Variants in CSMD1 observed in about 807,000 individuals in gnomAD.
The protein encoded by CSMD1 is CUB and sushi domain-containing protein 1.
Under a neutral mutation model 417.5 loss-of-function variants are expected in CSMD1, and 213 were observed. That is an observed-to-expected ratio of 0.51 (90% CI 0.46 to 0.57). The LOEUF is 0.57. Among genes scored for constraint, CSMD1 ranks in the 20% least tolerant of loss-of-function variants. The pLI is 0.00. For missense variants in CSMD1, 6,923 were observed against 4,529.7 expected (o/e 1.53, Z -15.17); for synonymous variants, 2,862 against 1,736.8 (o/e 1.65, Z -16.11).
chr8:4,968,444 G>A (rs1037545725), intron 1 of CSMD1, among the ~76,000 whole-genome samples: 2 of 151,960 alleles, frequency 1.3e-5, no homozygotes, highest in African/African-American at 2.4e-5. Context: ...TATTGAAATA[G>A]AGCCATTTAA....
Position 2,942,648 on chromosome 8 carries a change from G to A in CSMD1, c.10403-44C>T, listed in dbSNP as rs1801962097. On this transcript the variant is annotated intron_variant, in intron 68 of 69. Coordinates refer to ENST00000635120, the MANE Select transcript of CSMD1 (RefSeq NM_033225.6). The stretch of plus-strand genomic sequence containing the variant: ...ATTAAATTTGTTGTTACTGTACTCT[G>A]CTTAAACAAATACATATGATAAATT... 4.9e-6 allele frequency: 7 copies of A among 1,421,374 alleles called. No individual in the cohort carries two copies. In the African/African-American group the frequency reaches 8.7e-5, roughly 18 times the overall value. The allele number at this position is 1,421,374 out of a possible 1,614,324, so 88.0% of individuals were successfully genotyped here.
intron 12 of CSMD1, among the ~76,000 whole-genome samples, chr8:3,442,567 G>A (rs1815053830): frequency 6.6e-6 from 1 of 152,276 alleles, no homozygotes; most frequent in East Asian, 1.9e-4. Flanking sequence ...TTGGAGCCTA[G>A]GAACAATAGG....
chr8:4,091,640 C>T (rs1033743696), intron 3 of CSMD1, among the ~76,000 whole-genome samples: 1 of 152,112 alleles, frequency 6.6e-6, no homozygotes, highest in Non-Finnish European at 1.5e-5. Context: ...AATAAAGAGC[C>T]CCACAACGAG....
chr8:4,500,963 G>C (rs1000623213), intron 2 of CSMD1, among the ~76,000 whole-genome samples: 1 of 151,966 alleles, frequency 6.6e-6, no homozygotes, highest in African/African-American at 2.4e-5. Context: ...TTGACCCTTT[G>C]ATTTGTATGC....
At chr8:4,777,473 T>C (rs1196234388) in intron 1 of CSMD1, among the ~76,000 whole-genome samples, 1 of 152,172 alleles carries the variant, frequency 6.6e-6, no homozygotes, top group Non-Finnish European at 1.5e-5. Context: ...TAGACTCCTA[T>C]AATAAGATCA....
At chr8:3,146,192 A>C (rs1818834132) in intron 40 of CSMD1, among the ~76,000 whole-genome samples, 1 of 152,216 alleles carries the variant, frequency 6.6e-6, no homozygotes, top group African/African-American at 2.4e-5. Context: ...AGTATAAAAG[A>C]TAATGGGGTA....
intron 23 of CSMD1, among the ~76,000 whole-genome samples, chr8:3,324,375 G>T (rs1318310095): frequency 6.7e-6 from 1 of 150,016 alleles, no homozygotes; most frequent in Admixed American, 6.7e-5. Context: ...AGGGACCCAG[G>T]AAGGGGCGTT....
At chr8:3,613,557 T>G (rs2117149884) in intron 8 of CSMD1, among the ~76,000 whole-genome samples, 1 of 152,062 alleles carries the variant, frequency 6.6e-6, no homozygotes, top group East Asian at 1.9e-4. Context: ...AAAACATCAT[T>G]ACAAATTAAT....
intron 3 of CSMD1, among the ~76,000 whole-genome samples, chr8:4,303,759 G>A (rs1196462181): frequency 6.6e-6 from 1 of 151,884 alleles, no homozygotes; most frequent in Non-Finnish European, 1.5e-5. Flanking sequence ...GGTTTCAAGC[G>A]ATTCTCCTGC....
intron 25 of CSMD1, among the ~76,000 whole-genome samples, chr8:3,306,146 T>G (rs1201017863): frequency 6.6e-6 from 1 of 152,198 alleles, no homozygotes; most frequent in Non-Finnish European, 1.5e-5. Context: ...CATTTTATTT[T>G]TGTTAAGTTA....
intron 62 of CSMD1, among the ~76,000 whole-genome samples, chr8:2,958,572 G>A (rs534676171): frequency 2.6e-5 from 4 of 152,182 alleles, no homozygotes; most frequent in Non-Finnish European, 4.4e-5. Context: ...AGCTATGGTC[G>A]TGTGTTGAGG....
At chr8:3,823,385 A>G (rs1055250514) in intron 5 of CSMD1, among the ~76,000 whole-genome samples, 3 of 152,188 alleles carry the variant, frequency 2.0e-5, no homozygotes, top group African/African-American at 7.2e-5. Flanking sequence ...GGAAAGTTAA[A>G]TACTGTTAGA....
intron 9 of CSMD1, among the ~76,000 whole-genome samples, chr8:3,579,137 C>T (rs916056800): frequency 6.6e-6 from 1 of 152,192 alleles, no homozygotes; most frequent in Non-Finnish European, 1.5e-5. Flanking sequence ...ATTTCACTTA[C>T]ATCTTTTCTG....
intron 2 of CSMD1, among the ~76,000 whole-genome samples, chr8:4,428,118 C>G (rs751046646): frequency 6.6e-5 from 10 of 152,184 alleles, no homozygotes; most frequent in Non-Finnish European, 1.3e-4. Flanking sequence ...ATCTCTGATG[C>G]CTGTTTTCCT....
At chr8:3,228,674 C>T (rs1798655573) in intron 27 of CSMD1, among the ~76,000 whole-genome samples, 1 of 151,878 alleles carries the variant, frequency 6.6e-6, no homozygotes, top group East Asian at 1.9e-4. Flanking sequence ...TTTATAATTA[C>T]ATGTTCAAAT....
chr8:4,130,833 T>C (rs1174764510), intron 3 of CSMD1, among the ~76,000 whole-genome samples: 1 of 151,478 alleles, frequency 6.6e-6, no homozygotes, highest in Admixed American at 6.6e-5. Context: ...TTGTACTATG[T>C]GCTATATTAT....
intron 3 of CSMD1, among the ~76,000 whole-genome samples, chr8:4,087,412 G>C (rs1388769123): frequency 2.0e-5 from 3 of 152,188 alleles, no homozygotes; most frequent in African/African-American, 4.8e-5. Flanking sequence ...ATTTTGAGCA[G>C]ATGCTCTTAA....
intron 2 of CSMD1, among the ~76,000 whole-genome samples, chr8:4,467,103 T>TG (rs947473633): frequency 2.8e-5 from 4 of 144,818 alleles, no homozygotes; most frequent in Non-Finnish European, 6.0e-5. Flanking sequence ...AACTTAGTCT[T>TG]GCTCTAGATT....
chr8:3,541,623 C>A (rs994917008), intron 10 of CSMD1, among the ~76,000 whole-genome samples: 1 of 149,706 alleles, frequency 6.7e-6, no homozygotes, highest in South Asian at 2.1e-4. Flanking sequence ...ATGATTTTTA[C>A]AGGTAGACGT....
Sources: gnomAD v4.1 joint callset for allele counts (sites outside exome capture counted in the v4.1 genomes callset) on GRCh38, gnomAD v4.1.1 for gene constraint, MANE v1.5 for transcripts, NCBI Gene and HGNC (gene_info 2026-07-23, HGNC 2026-07-21) for gene names.